The following IGSF3 variants were observed in gnomAD, a reference collection of about 807,000 sequenced individuals.
IGSF3 encodes the protein glu-Trp-Ile EWI motif-containing protein 3.
IGSF3 carries 23 observed loss-of-function variants against 114.4 expected under a neutral mutation model. The observed-to-expected ratio is 0.20, with a 90% CI of 0.14 to 0.28. IGSF3 has a LOEUF of 0.28. IGSF3 is among the 10% of genes least tolerant of loss of function. IGSF3 has a pLI of 1.00. For missense variants in IGSF3, 1,172 were observed against 1,591.5 expected (o/e 0.74, Z 4.48); for synonymous variants, 571 against 645.2 (o/e 0.88, Z 1.74).
rs1401792133 is a variant in IGSF3 at position 116,615,381 on chromosome 1, TTAA to T, written c.421+696_421+698del. Among the ~76,000 whole-genome samples the T allele has an allele frequency of 6.6e-6, 1 of 152,186 alleles. No individual in the cohort carries two copies. The highest frequency in any genetic ancestry group is 1.9e-4 in the East Asian group (1 of 5,190). ...AAATAAACAAATGATAGTATGTGTA[TTAA>T]TAAAAGAACTAGCAACACCCACTGC... is the stretch of plus-strand genomic sequence containing the variant. On this transcript the variant is annotated intron_variant, in intron 3 of 10. Transcript: ENST00000369486. The surrounding 1 kb of genome is among the most constrained non-coding windows in gnomAD (Gnocchi z 4.3).
rs1647616586 is a variant in IGSF3, at chr1:116,632,074, C to A, written c.44-15617G>T. ...AGCAAAAGACTCCAAACTTGCACAA[C>A]TCAACCAGTGAAGGGCTGGGGAAGA... is the stretch of plus-strand genomic sequence containing the variant. On this transcript the variant is annotated intron_variant, in intron 2 of 10. Transcript: ENST00000369486. This position sits in a 1 kb window ranked among gnomAD's most constrained non-coding sequence, Gnocchi z 5.1. Among the ~76,000 whole-genome samples, 1 of 152,142 alleles carries A rather than the reference C, an allele frequency of 6.6e-6. No homozygotes were observed. The highest frequency in any genetic ancestry group is 2.1e-4 in the South Asian group (1 of 4,822).
In IGSF3 at chr1:116,627,966, T is replaced by A. The variant is rs1023307222; in HGVS notation, c.44-11509A>T. On this transcript the variant is annotated intron_variant, in intron 2 of 10. Coordinates refer to ENST00000369486, the MANE Select transcript of IGSF3 (RefSeq NM_001007237.3). The surrounding 1 kb of genome is among the most constrained non-coding windows in gnomAD (Gnocchi z 4.7). ...AGCACTCCGGTACAAAACAGGAATA[T>A]TCCTCTTCTCCTGACTCTGCCCAAG... 4.6e-5 allele frequency among the ~76,000 whole-genome samples: 7 copies of A among 152,188 alleles called. No individual in the cohort carries two copies. Among genetic ancestry groups the A allele is most frequent in the African/African-American group, 9.6e-5 (4 of 41,452 alleles).
chr1:116,653,523 G>T (rs1226509053), intron 2 of IGSF3, among the ~76,000 whole-genome samples: 2 of 152,186 alleles, frequency 1.3e-5, no homozygotes, highest in Non-Finnish European at 2.9e-5. Context: ...GTGGTAGGGG[G>T]AAGAGTGGGA....
rs1048978000 is a variant in IGSF3 at position 116,596,433 on chromosome 1, C to T, written c.2029+3508G>A. 3.9e-5 allele frequency among the ~76,000 whole-genome samples: 6 copies of T among 152,106 alleles called. No homozygotes were observed. Among genetic ancestry groups the T allele is most frequent in the African/African-American group, 1.2e-4 (5 of 41,406 alleles). Reference sequence around the variant, plus strand: ...AGCGCTGGTTCGGAGCTCTGGTATCCGCAAGTCTTAGAGCCACCTTGTGGC... The same window carrying T: ...AGCGCTGGTTCGGAGCTCTGGTATCTGCAAGTCTTAGAGCCACCTTGTGGC... On this transcript the variant is annotated intron_variant, in intron 7 of 10. Transcript: ENST00000369486. The surrounding 1 kb of genome is among the most constrained non-coding windows in gnomAD (Gnocchi z 4.1).
Position 116,665,133 on chromosome 1 carries a change from G to A in IGSF3, c.43+1151C>T, listed in dbSNP as rs1217518321. On this transcript the variant is annotated intron_variant, in intron 2 of 10. Transcript: ENST00000369486. The surrounding 1 kb of genome is among the most constrained non-coding windows in gnomAD (Gnocchi z 4.0). Reference sequence around the variant, plus strand: ...ATTGTTTCTGTTTTATTGACATTCAGATGTCAATCATGGTGAAGCTGGGAT... The same window carrying A: ...ATTGTTTCTGTTTTATTGACATTCAAATGTCAATCATGGTGAAGCTGGGAT... 6.6e-6 allele frequency among the ~76,000 whole-genome samples: 1 copy of A among 152,132 alleles called. No individual in the cohort carries two copies. Among genetic ancestry groups the A allele is most frequent in the Non-Finnish European group, 1.5e-5 (1 of 68,036 alleles).
chr1:116,646,749 C>A (rs570600177), intron 2 of IGSF3: 2 of 152,330 alleles, frequency 1.3e-5, no homozygotes, highest in East Asian at 3.9e-4. Context: ...CCAGGACAGC[C>A]TGGTAGCTGA....
chr1:116,616,435 C>T lies in IGSF3; in HGVS notation c.66G>A (p.Gln22=). Residue 22 remains glutamine, a synonymous_variant, in exon 3 of 11, where the codon CAG becomes CAA. Coordinates refer to ENST00000369486, the MANE Select transcript of IGSF3 (RefSeq NM_001007237.3). This position sits in a 1 kb window ranked among gnomAD's most constrained non-coding sequence, Gnocchi z 6.6. ...ACAAGGGTCCTTCCTGAACGGTGAC[C>T]TGCCGCTGTGCTGACACCACACCTA... is the stretch of plus-strand genomic sequence containing the variant. ...AVLGVVSAQR[Q]VTVQEGPLYR... is the part of the protein sequence containing the mutation. 6.2e-7 allele frequency: 1 copy of T among 1,600,666 alleles called. No homozygotes were observed. Among genetic ancestry groups the T allele is most frequent in the Non-Finnish European group, 8.5e-7 (1 of 1,170,834 alleles).
In IGSF3 at chr1:116,577,490, A is replaced by G. The variant is rs1659401156; in HGVS notation, c.3407T>C (p.Ile1136Thr). 1 of 1,614,032 alleles carries G rather than the reference A, an allele frequency of 6.2e-7. No individual in the cohort carries two copies. The highest frequency in any genetic ancestry group is 8.5e-7 in the Non-Finnish European group (1 of 1,180,008). Residue 1136 changes from isoleucine to threonine, a missense_variant, in exon 11 of 11, where the codon ATC (isoleucine) becomes ACC (threonine). Around this residue, in one of 3 missense-constraint regions of IGSF3, gnomAD observed 423 missense variants for 509.8 expected, o/e 0.83. Transcript: ENST00000369486. This position sits in a 1 kb window ranked among gnomAD's most constrained non-coding sequence, Gnocchi z 5.7. Reference protein sequence around the residue: ...FYFVFFYPFPIFGILIITILL... With the variant: ...FYFVFFYPFPTFGILIITILL... ...GATGGTGATGATAAGAATGCCAAAG[A>G]TGGGGAAAGGGTAGAAGAAGACGAA...
rs751557008 is a variant in IGSF3, at chr1:116,603,984, T to C, written c.1264A>G (p.Ile422Val). 78 of 1,611,842 alleles carry C rather than the reference T, an allele frequency of 4.8e-5. 2 individuals are homozygous for C. In the South Asian group the frequency reaches 8.5e-4, roughly 17 times the overall value. Residue 422 changes from isoleucine to valine, a missense_variant, in exon 6 of 11, where the codon ATC (isoleucine) becomes GTC (valine). Ile to Val is a conservative substitution (Grantham distance 29). This residue lies in a region of IGSF3 where 736 missense variants were observed against 1,042.0 expected (regional missense o/e 0.71). Coordinates refer to ENST00000369486, the MANE Select transcript of IGSF3 (RefSeq NM_001007237.3). The surrounding 1 kb of genome is among the most constrained non-coding windows in gnomAD (Gnocchi z 7.1). ...AAGCGCAGGTCCTCGCCCTCAAGGATGACGCTGGCATTGCTGGCCACCTCC... is the reference window on the plus strand; with the variant it reads ...AAGCGCAGGTCCTCGCCCTCAAGGACGACGCTGGCATTGCTGGCCACCTCC... ...SVEVASNASV[I>V]LEGEDLRFSC... is the part of the protein sequence containing the mutation.
intron 2 of IGSF3, among the ~76,000 whole-genome samples, chr1:116,643,967 C>A (rs1557883228): frequency 1.3e-5 from 2 of 152,200 alleles, no homozygotes; most frequent in Admixed American, 1.3e-4. Context: ...CCTCCCCAAA[C>A]ACGTGCACCA....
rs144392731 is a variant in IGSF3 at position 116,661,821 on chromosome 1, A to T, written c.43+4463T>A. On this transcript the variant is annotated intron_variant, in intron 2 of 10. Transcript: ENST00000369486. This position sits in a 1 kb window ranked among gnomAD's most constrained non-coding sequence, Gnocchi z 4.0. Reference sequence around the variant, plus strand: ...AAGCATATTTTCCAGCCTTCTTTGCAGCTAAATATGGTCACATGACTAGGT... The same window carrying T: ...AAGCATATTTTCCAGCCTTCTTTGCTGCTAAATATGGTCACATGACTAGGT... Among the ~76,000 whole-genome samples the T allele has an allele frequency of 3.9e-5, 6 of 152,320 alleles. No individual in the cohort carries two copies. The highest frequency in any genetic ancestry group is 8.8e-5 in the Non-Finnish European group (6 of 68,036).
Position 116,649,334 on chromosome 1 carries a change from C to T in IGSF3, c.43+16950G>A, listed in dbSNP as rs2101067464. Among the ~76,000 whole-genome samples the T allele has an allele frequency of 6.6e-6, 1 of 152,298 alleles. No individual in the cohort carries two copies. Among genetic ancestry groups the T allele is most frequent in the South Asian group, 2.1e-4 (1 of 4,824 alleles). On this transcript the variant is annotated intron_variant, in intron 2 of 10. Transcript: ENST00000369486. The surrounding 1 kb of genome is among the most constrained non-coding windows in gnomAD (Gnocchi z 4.5). ...TGAACTGTGAGGGAGGCTGGAAAAT[C>T]TGGAGTATGTGCATGTCTAGTGAGT...
chr1:116,603,776 G>A lies in IGSF3; in HGVS notation c.1472C>T (p.Pro491Leu), dbSNP rs1660688523. ...FGGVQMEQVQ[P>L]NSFSLGIFNS... ...GAAGATGCCCAGGCTGAACGAGTTG[G>A]GCTGCACCTGCTCCATCTGGACGCC... The change falls in exon 6 of 11, where the codon CCC becomes CTC. Residue 491 changes from proline (P) to leucine (L), a missense_variant. Pro to Leu is a moderately conservative substitution (Grantham distance 98, BLOSUM62 -3). Around this residue, in one of 3 missense-constraint regions of IGSF3, gnomAD observed 736 missense variants for 1,042.0 expected, o/e 0.71. Transcript: ENST00000369486. The surrounding 1 kb of genome is among the most constrained non-coding windows in gnomAD (Gnocchi z 7.1). 1 of 1,613,876 alleles carries A rather than the reference G, an allele frequency of 6.2e-7. No homozygotes were observed. Among genetic ancestry groups the A allele is most frequent in the Non-Finnish European group, 8.5e-7 (1 of 1,179,876 alleles).
In IGSF3 at chr1:116,642,088, GTA is replaced by G. The variant is rs1000850248; in HGVS notation, c.43+24194_43+24195del. 5.3e-5 allele frequency among the ~76,000 whole-genome samples: 8 copies of G among 152,068 alleles called. No homozygotes were observed. The highest frequency in any genetic ancestry group is 2.1e-4 in the South Asian group (1 of 4,824). On this transcript the variant is annotated intron_variant, in intron 2 of 10. Transcript: ENST00000369486. The surrounding 1 kb of genome is among the most constrained non-coding windows in gnomAD (Gnocchi z 5.4). ...CCCAGCCCAACATCAGATTTCAAAAGTACTACTGATATTATTATCACCATTAA... is the reference window on the plus strand; with the variant it reads ...CCCAGCCCAACATCAGATTTCAAAAGCTACTGATATTATTATCACCATTAA...
In IGSF3 at chr1:116,576,122, T is replaced by G. The variant is rs1263764069; in HGVS notation, c.*1190A>C. 6.6e-6 allele frequency: 1 copy of G among 152,188 alleles called. No homozygotes were observed. Among genetic ancestry groups the G allele is most frequent in the East Asian group, 1.9e-4 (1 of 5,190 alleles). The allele number at this position is 152,188 out of a possible 1,614,324, so 9.4% of individuals were successfully genotyped here. A position where few individuals can be genotyped will look rare whatever the true frequency, so the allele number is the denominator to read the frequency against. On this transcript the variant is annotated 3_prime_UTR_variant, in exon 11 of 11. Coordinates refer to ENST00000369486, the MANE Select transcript of IGSF3 (RefSeq NM_001007237.3). This position sits in a 1 kb window ranked among gnomAD's most constrained non-coding sequence, Gnocchi z 4.6. ...TGGAAGGAAGAAGAAAAACCTAGTCTTCACACCTCCAGGGAGGTAGATATT... is the reference window on the plus strand; with the variant it reads ...TGGAAGGAAGAAGAAAAACCTAGTCGTCACACCTCCAGGGAGGTAGATATT...
At chr1:116,646,688 A>G (rs1198695929) in intron 2 of IGSF3, among the ~76,000 whole-genome samples, 11 of 152,210 alleles carry the variant, frequency 7.2e-5, no homozygotes, top group Admixed American at 1.3e-4. Context: ...GAACAAAGCC[A>G]GCTAAGGGAA....
In IGSF3 at chr1:116,583,081, T is replaced by C. The variant is rs533526452; in HGVS notation, c.2848+1564A>G. Among the ~76,000 whole-genome samples the C allele has an allele frequency of 5.9e-5, 9 of 152,168 alleles. 1 individual carries two copies. In the South Asian group the frequency reaches 1.9e-3, roughly 32 times the overall value. On this transcript the variant is annotated intron_variant, in intron 9 of 10. Coordinates refer to ENST00000369486, the MANE Select transcript of IGSF3 (RefSeq NM_001007237.3). The surrounding 1 kb of genome is among the most constrained non-coding windows in gnomAD (Gnocchi z 4.5). ...ACTCTGCCTGCACCTGCTGGCTGGG[T>C]GGTGATTCGCTCCATGCTTTGGTCC...
At position 116,610,234 on chromosome 1, in the gene IGSF3, T is replaced by G. The variant is rs1660963392; in HGVS notation, c.833-1903A>C. Among the ~76,000 whole-genome samples the G allele has an allele frequency of 6.6e-6, 1 of 152,136 alleles. No homozygotes were observed. Among genetic ancestry groups the G allele is most frequent in the African/African-American group, 2.4e-5 (1 of 41,410 alleles). Reference sequence around the variant, plus strand: ...CCCAACATCAATGACAGAAAAGCACTCCTTCCACATAAACACCACTGGAGC... The same window carrying G: ...CCCAACATCAATGACAGAAAAGCACGCCTTCCACATAAACACCACTGGAGC... On this transcript the variant is annotated intron_variant, in intron 4 of 10. Coordinates refer to ENST00000369486, the MANE Select transcript of IGSF3 (RefSeq NM_001007237.3). The surrounding 1 kb of genome is among the most constrained non-coding windows in gnomAD (Gnocchi z 4.3).
chr1:116,643,190 ACTG>A (rs1648185676), intron 2 of IGSF3, among the ~76,000 whole-genome samples: 1 of 152,202 alleles, frequency 6.6e-6, no homozygotes, highest in African/African-American at 2.4e-5. Flanking sequence ...CAGAAAGGAA[ACTG>A]CTATCAACCT....
Sources: gnomAD v4.1 joint callset for allele counts (sites outside exome capture counted in the v4.1 genomes callset) on GRCh38, gnomAD v4.1.1 for gene constraint, gnomAD v4.1.1 regional missense constraint, Gnocchi (gnomAD v3.1) non-coding constraint, MANE v1.5 for transcripts, NCBI Gene and HGNC (gene_info 2026-07-23, HGNC 2026-07-21) for gene names.